Variants in MANEA observed in about 807,000 individuals in gnomAD.
MANEA encodes the protein mannosidase endo-alpha, also known as glycoprotein endo-alpha-1,2-mannosidase.
In MANEA, 25 loss-of-function variants were observed where a neutral mutation model predicts 36.8. The ratio of observed to expected loss-of-function variants is 0.68; its 90% CI spans 0.50 to 0.95. The LOEUF is 0.95. Ranked by LOEUF, MANEA falls within the 40% of genes least tolerant of loss-of-function variation. The pLI, the probability that MANEA is intolerant of heterozygous loss-of-function variation, is 0.00. For synonymous variants in MANEA, 198 were observed against 188.5 expected (o/e 1.05, Z -0.41); for missense variants, 565 against 558.8 (o/e 1.01, Z -0.11).
Position 95,586,944 on chromosome 6 carries a change from A to C in MANEA, c.505A>C (p.Ile169Leu), listed in dbSNP as rs554975409. ...TTACAGTTCTCGGGATCCTTCTGTC[A>C]TAGAAACTCACATGAGACAAATGCG... The part of the protein sequence containing the change: ...GSYSSRDPSV[I>L]ETHMRQMRSA... The change falls in exon 2 of 5, where the codon ATA becomes CTA. Residue 169 changes from isoleucine to leucine, a missense_variant. Transcript: ENST00000358812. 2 of 1,612,480 alleles carry C rather than the reference A, an allele frequency of 1.2e-6. No individual in the cohort carries two copies. Among genetic ancestry groups the C allele is most frequent in the South Asian group, 2.2e-5 (2 of 91,058 alleles).
intron 3 of MANEA, among the ~76,000 whole-genome samples, 198 bp from the exon 4 acceptor site, chr6:95,604,629 A>C (rs564189343): frequency 6.6e-6 from 1 of 152,036 alleles, no homozygotes; most frequent in Non-Finnish European, 1.5e-5. Flanking sequence ...ATTAACCAAG[A>C]TAATAATATA....
intron 1 of MANEA, among the ~76,000 whole-genome samples, chr6:95,578,566 T>C (rs569863471): frequency 6.6e-6 from 1 of 152,316 alleles, no homozygotes; most frequent in African/African-American, 2.4e-5. Context: ...AATACATCTA[T>C]TTCAGGTGTA....
Position 95,596,731 on chromosome 6 carries a change from TA to T in MANEA, c.545-5del. ...TTTTCCCTTTCTTTTTGGTCTTTTC[TA>T]TTAGGTGTACTAGCCCTCTCTTGGT... On this transcript the variant is annotated splice_region_variant and splice_polypyrimidine_tract_variant and intron_variant, in intron 2 of 4. Transcript: ENST00000358812. 1 of 1,498,138 alleles carries T rather than the reference TA, an allele frequency of 6.7e-7. No homozygotes were observed. 92.8% of individuals were successfully genotyped at this position (1,498,138 alleles called of 1,614,324 possible).
intron 3 of MANEA, among the ~76,000 whole-genome samples, chr6:95,600,203 C>G (rs571776595): frequency 9.1e-4 from 138 of 152,274 alleles, no homozygotes; most frequent in African/African-American, 3.1e-3. Flanking sequence ...TACTTGATCT[C>G]TCTGTGCTAG....
Position 95,604,884 on chromosome 6 carries a change from G to C in MANEA, c.712G>C (p.Val238Leu). 4 of 1,440,590 alleles carry C rather than the reference G, an allele frequency of 2.8e-6. No homozygotes were observed. The highest frequency in any genetic ancestry group is 3.8e-6 in the Non-Finnish European group (4 of 1,059,338). The allele number at this position is 1,440,590 out of a possible 1,614,324, so 89.2% of individuals were successfully genotyped here. A position where few individuals can be genotyped will look rare whatever the true frequency, so the allele number is the denominator to read the frequency against. Residue 238 changes from valine (V) to leucine (L), a missense_variant, in exon 4 of 5, where the codon GTC becomes CTC. Transcript: ENST00000358812. ...NRDDQNMYKN[V>L]KYIIDKYGNH... is the part of the protein sequence containing the mutation. ...AGATGATCAAAACATGTACAAAAAT[G>C]TCAAGTATATTATAGACAAGTGAGT...
chr6:95,584,553 T>G lies in MANEA; in HGVS notation c.-38-1849T>G, dbSNP rs181630508. ...TGTTTTCTGTTGTTTAAGATGTTTATCAAGACAGTAGGTGCACAGCTGAAC... is the reference window on the plus strand; with the variant it reads ...TGTTTTCTGTTGTTTAAGATGTTTAGCAAGACAGTAGGTGCACAGCTGAAC... On this transcript the variant is annotated intron_variant, in intron 1 of 4. Transcript: ENST00000358812. 5.1e-3 allele frequency among the ~76,000 whole-genome samples: 774 copies of G among 152,300 alleles called. 6 individuals carry two copies. The highest frequency in any genetic ancestry group is 8.4e-3 in the Non-Finnish European group (573 of 68,020).
chr6:95,602,166 A>G (rs557822992), intron 3 of MANEA, among the ~76,000 whole-genome samples: 21 of 152,232 alleles, frequency 1.4e-4, no homozygotes, highest in Admixed American at 5.2e-4. Context: ...TTTGCATGCA[A>G]ATCATTAGTC....
intron 2 of MANEA, among the ~76,000 whole-genome samples, chr6:95,592,761 A>T (rs1378592269): frequency 6.6e-6 from 1 of 152,326 alleles, no homozygotes; most frequent in East Asian, 1.9e-4. Flanking sequence ...TTTTTAAAAC[A>T]GGCCTTATCC....
At chr6:95,602,489 A>AT (rs1190172742) in intron 3 of MANEA, among the ~76,000 whole-genome samples, 3 of 152,178 alleles carry the variant, frequency 2.0e-5, no homozygotes, top group Admixed American at 6.5e-5. Flanking sequence ...AAAAAAGTTC[A>AT]TTTTATTAAA....
rs777179362 is a variant in MANEA at position 95,607,165 on chromosome 6, C to A, written c.*760C>A. 4 of 152,000 alleles carry A rather than the reference C, an allele frequency of 2.6e-5. No homozygotes were observed. The highest frequency in any genetic ancestry group is 6.6e-5 in the Admixed American group (1 of 15,244). 9.4% of individuals were successfully genotyped at this position (152,000 alleles called of 1,614,324 possible). ...GTTTCTGCTTTACAGTGCTGAATTC[C>A]ATATTTTAGAAGCTATGAAAGTCCT... On this transcript the variant is annotated 3_prime_UTR_variant, in exon 5 of 5. Coordinates refer to ENST00000358812, the MANE Select transcript of MANEA (RefSeq NM_024641.4).
chr6:95,592,830 C>T (rs982496035), intron 2 of MANEA, among the ~76,000 whole-genome samples: 1 of 152,110 alleles, frequency 6.6e-6, no homozygotes, highest in Non-Finnish European at 1.5e-5. Flanking sequence ...ACTCATCTAT[C>T]AAATAACAGA....
rs1311107681 is a variant in MANEA, at chr6:95,605,839, C to A, written c.823C>A (p.Pro275Thr). The change falls in exon 5 of 5, where the codon CCT becomes ACT. Residue 275 changes from proline (P) to threonine (T), a missense_variant. Physicochemically the swap from Pro to Thr is conservative, Grantham distance 38. Coordinates refer to ENST00000358812, the MANE Select transcript of MANEA (RefSeq NM_024641.4). ...TGTCTATGATTCCTATATTACCAAG[C>A]CTGAAAAATGGGCCAATCTGTTAAC... is the stretch of plus-strand genomic sequence containing the variant. The part of the protein sequence containing the change: ...FYVYDSYITK[P>T]EKWANLLTTS... 1.2e-6 allele frequency: 2 copies of A among 1,613,686 alleles called. No homozygotes were observed. Among genetic ancestry groups the A allele is most frequent in the Admixed American group, 3.3e-5 (2 of 59,972 alleles).
intron 1 of MANEA, among the ~76,000 whole-genome samples, chr6:95,580,497 G>T (rs9398406): frequency 6.9e-4 from 104 of 151,804 alleles, no homozygotes; most frequent in African/African-American, 2.4e-3. Context: ...AGGCAGAGGC[G>T]GGTGGATCAC....
intron 2 of MANEA, among the ~76,000 whole-genome samples, chr6:95,594,335 G>T (rs1410768449): frequency 6.6e-6 from 1 of 152,140 alleles, no homozygotes; most frequent in Non-Finnish European, 1.5e-5. Flanking sequence ...GATAAGTGGT[G>T]AGATATTTGA....
intron 1 of MANEA, among the ~76,000 whole-genome samples, chr6:95,584,439 TTGAGATAAGGAC>T (rs1354330453): frequency 2.0e-5 from 3 of 152,156 alleles, no homozygotes; most frequent in Non-Finnish European, 4.4e-5. Context: ...TCCTATGCGG[TTGAGATAAGGAC>T]TGAGATACGC....
intron 1 of MANEA, among the ~76,000 whole-genome samples, chr6:95,579,825 A>G (rs1769146144): frequency 6.6e-6 from 1 of 152,214 alleles, no homozygotes; most frequent in African/African-American, 2.4e-5. Context: ...AAAAAATAGA[A>G]GCTACAGGTT....
At position 95,581,754 on chromosome 6, in the gene MANEA, G is replaced by A. The variant is rs576145169; in HGVS notation, c.-39+4116G>A. 1.8e-4 allele frequency among the ~76,000 whole-genome samples: 27 copies of A among 152,192 alleles called. No homozygotes were observed. The South Asian group carries it at 5.0e-3, about 28-fold the overall frequency. On this transcript the variant is annotated intron_variant, in intron 1 of 4. Coordinates refer to ENST00000358812, the MANE Select transcript of MANEA (RefSeq NM_024641.4). ...ATCTCGCCATTCAGCTGAAGTCAACGTTTCAAAAATGAATGCCTTACTAAT... is the reference window on the plus strand; with the variant it reads ...ATCTCGCCATTCAGCTGAAGTCAACATTTCAAAAATGAATGCCTTACTAAT...
intron 1 of MANEA, 42 bp from the exon 2 acceptor site, chr6:95,586,360 G>C (rs1401649561): frequency 6.9e-6 from 8 of 1,162,566 alleles, no homozygotes; most frequent in Non-Finnish European, 9.8e-6. Flanking sequence ...GGAAAATACT[G>C]TTGATAACAC....
At position 95,606,377 on chromosome 6, in the gene MANEA, C is replaced by T. The variant is rs2127946420; in HGVS notation, c.1361C>T (p.Ala454Val). 3 of 1,597,926 alleles carry T rather than the reference C, an allele frequency of 1.9e-6. No homozygotes were observed. The highest frequency in any genetic ancestry group is 2.2e-5 in the East Asian group (1 of 44,786). Residue 454 changes from alanine (A) to valine (V), a missense_variant, in exon 5 of 5, where the codon GCA becomes GTA. Ala to Val is a moderately conservative substitution (Grantham distance 64). Transcript: ENST00000358812. ...EKYSKERATY[A>V]LDRQLPVS ...TACAGTAAGGAAAGAGCAACTTATGCATTAGATCGCCAGCTGCCTGTTTCT... is the reference window on the plus strand; with the variant it reads ...TACAGTAAGGAAAGAGCAACTTATGTATTAGATCGCCAGCTGCCTGTTTCT...
Sources: gnomAD v4.1 joint callset for allele counts (sites outside exome capture counted in the v4.1 genomes callset) on GRCh38, gnomAD v4.1.1 for gene constraint, MANE v1.5 for transcripts, NCBI Gene and HGNC (gene_info 2026-07-23, HGNC 2026-07-21) for gene names.